TRIM67: variants seen among roughly 807,000 people sequenced by gnomAD.
TRIM67 encodes the protein tripartite motif containing 67.
A neutral mutation model predicts 71.0 loss-of-function variants in TRIM67; 39 were observed. The observed-to-expected ratio is 0.55, with a 90% CI of 0.43 to 0.72. The LOEUF (loss-of-function observed/expected upper bound fraction) is 0.72, where lower values mean the gene tolerates loss of function less well. TRIM67 is among the 30% of genes least tolerant of loss of function. The pLI is 0.00. For synonymous variants in TRIM67, 481 were observed against 473.9 expected (o/e 1.01, Z -0.19); for missense variants, 973 against 1,079.2 (o/e 0.90, Z 1.38).
intron 1 of TRIM67, among the ~76,000 whole-genome samples, chr1:231,164,725 C>T (rs1397773196): frequency 6.6e-6 from 1 of 151,946 alleles, no homozygotes. Context: ...CACAGCCCAG[C>T]CAGAAATATA....
At chr1:231,173,241 A>G (rs1682658640) in intron 1 of TRIM67, among the ~76,000 whole-genome samples, 1 of 152,198 alleles carries the variant, frequency 6.6e-6, no homozygotes, top group African/African-American at 2.4e-5. Flanking sequence ...AATAAAAACA[A>G]TGTGATAAAA....
rs764733934 is a variant in TRIM67, at chr1:231,199,001, C to T, written c.1141-46C>T. On this transcript the variant is annotated intron_variant, in intron 2 of 9. Transcript: ENST00000366653. ...ACTCACCAGATTTTAGCATCTTCCC[C>T]CTAAAACTCTTTGCTTCTTCCCAAC... 4 of 1,613,062 alleles carry T rather than the reference C, an allele frequency of 2.5e-6. No individual in the cohort carries two copies. The East Asian group carries it at 8.9e-5, about 36-fold the overall frequency.
Position 231,215,658 on chromosome 1 carries a change from ACGTGTGTCAC to A in TRIM67, c.*220_*229del. 2.3e-6 allele frequency: 3 copies of A among 1,328,654 alleles called. No homozygotes were observed. The highest frequency in any genetic ancestry group is 1.9e-6 in the Non-Finnish European group (2 of 1,038,368). 82.3% of individuals were successfully genotyped at this position (1,328,654 alleles called of 1,614,324 possible). ...GCCACTGTCAGTGGCAAAGGAAGGT[ACGTGTGTCAC>A]CCTTATTCCACCCAGACATTACGAA... On this transcript the variant is annotated 3_prime_UTR_variant, in exon 10 of 10. Transcript: ENST00000366653.
intron 5 of TRIM67, among the ~76,000 whole-genome samples, chr1:231,202,131 ATGG>A (rs1683556543): frequency 6.9e-4 from 1 of 1,458 alleles, no homozygotes; most frequent in East Asian, 0.023. Flanking sequence ...GGAGGAGGAG[ATGG>A]AGGAGGAGGA....
In TRIM67 at chr1:231,162,761, C is replaced by G. The variant is rs1452693013; in HGVS notation, c.-209C>G. 4 of 618,206 alleles carry G rather than the reference C, an allele frequency of 6.5e-6. No individual in the cohort carries two copies. The highest frequency in any genetic ancestry group is 1.1e-5 in the Non-Finnish European group (4 of 374,044). The allele number at this position is 618,206 out of a possible 1,614,324, so 38.3% of individuals were successfully genotyped here. A position where few individuals can be genotyped will look rare whatever the true frequency, so the allele number is the denominator to read the frequency against. ...GACCCTCGGGCAGGAGGTGAGGACCCCCTCCCTTCTCTCGCCCCTCAATCA... is the reference window on the plus strand; with the variant it reads ...GACCCTCGGGCAGGAGGTGAGGACCGCCTCCCTTCTCTCGCCCCTCAATCA... On this transcript the variant is annotated 5_prime_UTR_variant, in exon 1 of 10. Coordinates refer to ENST00000366653, the MANE Select transcript of TRIM67 (RefSeq NM_001004342.5).
intron 1 of TRIM67, among the ~76,000 whole-genome samples, chr1:231,195,058 T>C (rs1338223101): frequency 6.6e-6 from 1 of 152,168 alleles, no homozygotes; most frequent in Non-Finnish European, 1.5e-5. Flanking sequence ...CAGTAGGTTA[T>C]GTATTAATCA....
At chr1:231,203,511 C>A (rs542014315) in intron 5 of TRIM67, among the ~76,000 whole-genome samples, 1 of 152,190 alleles carries the variant, frequency 6.6e-6, no homozygotes, top group African/African-American at 2.4e-5. Context: ...ACTGTTGATG[C>A]GTTCCTCATG....
intron 8 of TRIM67, among the ~76,000 whole-genome samples, chr1:231,211,031 A>AAAAT (rs1553328725): frequency 5.5e-5 from 7 of 127,230 alleles, no homozygotes; most frequent in Admixed American, 1.5e-4. Flanking sequence ...AAAAAAAAAA[A>AAAAT]ATATATATAT....
At position 231,186,890 on chromosome 1, in the gene TRIM67, T is replaced by C. The variant is rs551234344; in HGVS notation, c.1045-10481T>C. Among the ~76,000 whole-genome samples, 1,394 of 152,236 alleles carry C rather than the reference T, an allele frequency of 9.2e-3. 20 individuals carry two copies. Among genetic ancestry groups the C allele is most frequent in the African/African-American group, 0.031 (1,306 of 41,530 alleles). On this transcript the variant is annotated intron_variant, in intron 1 of 9. Coordinates refer to ENST00000366653, the MANE Select transcript of TRIM67 (RefSeq NM_001004342.5). ...AGGCCTAAAATGAAAGCTTGGATGA[T>C]GGGAAGGTGCTTCTCAGGCTGTCTG...
intron 4 of TRIM67, 116 bp from the exon 5 acceptor site, chr1:231,201,242 C>A: frequency 8.7e-7 from 1 of 1,148,782 alleles, no homozygotes; most frequent in Non-Finnish European, 1.2e-6. Flanking sequence ...CTCTAGAGCA[C>A]AACCCTTTTC....
Position 231,162,816 on chromosome 1 carries a change from A to G in TRIM67, c.-154A>G. 1 of 954,292 alleles carries G rather than the reference A, an allele frequency of 1.0e-6. No individual in the cohort carries two copies. Among genetic ancestry groups the G allele is most frequent in the Non-Finnish European group, 1.5e-6 (1 of 659,220 alleles). The allele number at this position is 954,292 out of a possible 1,614,324, so 59.1% of individuals were successfully genotyped here. On this transcript the variant is annotated 5_prime_UTR_variant, in exon 1 of 10. Transcript: ENST00000366653. ...AGGGCGGTGGCTACAGGACAGAGAG[A>G]GGGGCGTGCCCCTCGGCTGTGAAGT...
chr1:231,209,095 C>A lies in TRIM67; in HGVS notation c.1968C>A (p.His656Gln). ...AGGGCGTGCACTACTGGGAGCTGCA[C>A]GTGGACCGGTACGACAACCACCCAG... is the stretch of plus-strand genomic sequence containing the variant. ...FSKGVHYWEL[H>Q]VDRYDNHPDP... Residue 656 changes from histidine (H) to glutamine (Q), a missense_variant, in exon 8 of 10, where the codon CAC (histidine) becomes CAA (glutamine). Physicochemically the swap from His to Gln is conservative, Grantham distance 24 (BLOSUM62 0). This residue lies in a region of TRIM67 where 178 missense variants were observed against 247.9 expected (regional missense o/e 0.72). Coordinates refer to ENST00000366653, the MANE Select transcript of TRIM67 (RefSeq NM_001004342.5). The surrounding 1 kb of genome is among the most constrained non-coding windows in gnomAD (Gnocchi z 4.1). 1.2e-6 allele frequency: 2 copies of A among 1,613,890 alleles called. No individual in the cohort carries two copies. Among genetic ancestry groups the A allele is most frequent in the Non-Finnish European group, 8.5e-7 (1 of 1,179,856 alleles).
At chr1:231,169,370 T>C (rs7523140) in intron 1 of TRIM67, among the ~76,000 whole-genome samples, 1,420 of 94,254 alleles carry the variant, frequency 0.015, 9 homozygotes, top group African/African-American at 0.092. Flanking sequence ...TCTTTTCTCT[T>C]TTTTTTTTTT....
Position 231,163,724 on chromosome 1 carries a change from A to C in TRIM67, c.755A>C (p.Gln252Pro). 6.7e-6 allele frequency: 10 copies of C among 1,492,510 alleles called. No homozygotes were observed. Among genetic ancestry groups the C allele is most frequent in the Non-Finnish European group, 8.9e-6 (10 of 1,121,824 alleles). The allele number at this position is 1,492,510 out of a possible 1,614,324, so 92.5% of individuals were successfully genotyped here. A position where few individuals can be genotyped will look rare whatever the true frequency, so the allele number is the denominator to read the frequency against. ...RGPFAKHRLV[Q>P]PPPPPPPPAE... Reference sequence around the variant, plus strand: ...CCCTTCGCCAAGCATCGCCTGGTGCAGCCGCCGCCGCCGCCGCCGCCGCCC... The same window carrying C: ...CCCTTCGCCAAGCATCGCCTGGTGCCGCCGCCGCCGCCGCCGCCGCCGCCC... The change falls in exon 1 of 10, where the codon CAG becomes CCG. Residue 252 changes from glutamine to proline, a missense_variant. By Grantham distance (76) the Gln-to-Pro change is moderately conservative (BLOSUM62 -1). This residue lies in a region of TRIM67 where 795 missense variants were observed against 831.3 expected (regional missense o/e 0.96). Coordinates refer to ENST00000366653, the MANE Select transcript of TRIM67 (RefSeq NM_001004342.5).
chr1:231,214,846 C>T lies in TRIM67; in HGVS notation c.2287-529C>T, dbSNP rs367701649. ...CTGACATGGTGGCTCACGCCTGTAA[C>T]TCCAGTACTTTGGGAGGCCATGGCA... On this transcript the variant is annotated intron_variant, in intron 9 of 9. Transcript: ENST00000366653. Among the ~76,000 whole-genome samples the T allele has an allele frequency of 4.7e-5, 7 of 149,788 alleles. No homozygotes were observed. The East Asian group carries it at 1.0e-3, about 21-fold the overall frequency.
rs780510502 is a variant in TRIM67 at position 231,164,010 on chromosome 1, C to T, written c.1041C>T (p.His347=). 38 of 1,529,784 alleles carry T rather than the reference C, an allele frequency of 2.5e-5. No individual in the cohort carries two copies. In the South Asian group the frequency reaches 4.0e-4, roughly 16 times the overall value. 94.8% of individuals were successfully genotyped at this position (1,529,784 alleles called of 1,614,324 possible). ...VKPLGAMWKQ[H]KAQLSQALNG... is the part of the protein sequence containing the mutation. ...CGCTGGGGGCCATGTGGAAGCAGCA[C>T]AAGGTGAGCCCGCGGGACGCGGGAG... is the stretch of plus-strand genomic sequence containing the variant. Residue 347 remains histidine (H), a synonymous_variant, in exon 1 of 10, where the codon CAC becomes CAT. Coordinates refer to ENST00000366653, the MANE Select transcript of TRIM67 (RefSeq NM_001004342.5).
chr1:231,217,864 C>A lies in TRIM67; in HGVS notation c.*2424C>A. The A allele has an allele frequency of 7.8e-7, 1 of 1,289,634 alleles. No homozygotes were observed. Among genetic ancestry groups the A allele is most frequent in the Non-Finnish European group, 1.0e-6 (1 of 988,774 alleles). The allele number at this position is 1,289,634 out of a possible 1,614,324, so 79.9% of individuals were successfully genotyped here. On this transcript the variant is annotated 3_prime_UTR_variant, in exon 10 of 10. Coordinates refer to ENST00000366653, the MANE Select transcript of TRIM67 (RefSeq NM_001004342.5). ...GTGCAGGAGGGTAATGCCCTCAAAT[C>A]CGGTGGCCTCTTTCAGAAAAAAGTT...
chr1:231,167,289 A>G (rs1477336893), intron 1 of TRIM67, among the ~76,000 whole-genome samples: 1 of 149,694 alleles, frequency 6.7e-6, no homozygotes, highest in African/African-American at 2.5e-5. Context: ...GAAAGCTCAG[A>G]AAAGACAGGA....
chr1:231,170,512 G>T (rs1682595385), intron 1 of TRIM67, among the ~76,000 whole-genome samples: 1 of 152,144 alleles, frequency 6.6e-6, no homozygotes, highest in South Asian at 2.1e-4. Flanking sequence ...GTTTGCTGTG[G>T]TGGTCACTGT....
Sources: gnomAD v4.1 joint callset for allele counts (sites outside exome capture counted in the v4.1 genomes callset) on GRCh38, gnomAD v4.1.1 for gene constraint, gnomAD v4.1.1 regional missense constraint, Gnocchi (gnomAD v3.1) non-coding constraint, MANE v1.5 for transcripts, NCBI Gene and HGNC (gene_info 2026-07-23, HGNC 2026-07-21) for gene names.